The following RPS6KC1 variants were observed in gnomAD, a reference collection of about 807,000 sequenced individuals.
RPS6KC1 encodes the protein ribosomal protein S6 kinase C1.
A neutral mutation model predicts 103.8 loss-of-function variants in RPS6KC1; 54 were observed. The observed-to-expected ratio is 0.52, with a 90% confidence interval of 0.42 to 0.65. The LOEUF (loss-of-function observed/expected upper bound fraction) is 0.65, where lower values mean the gene tolerates loss of function less well. Among genes scored for constraint, RPS6KC1 ranks in the 30% least tolerant of loss-of-function variants. RPS6KC1 has a pLI of 0.00. For synonymous variants in RPS6KC1, 439 were observed against 438.7 expected (o/e 1.00, Z -0.01); for missense variants, 1,151 against 1,253.8 (o/e 0.92, Z 1.24).
At chr1:213,340,528 A>G in the RPS6KC1 span, among the ~76,000 whole-genome samples, 3 of 152,200 alleles carry the variant, frequency 2.0e-5, no homozygotes. Context: ...CTACTTGGAA[A>G]TTTCAGTGAA....
chr1:213,421,625 CCT>C, the RPS6KC1 span, among the ~76,000 whole-genome samples: 2 of 152,230 alleles, frequency 1.3e-5, no homozygotes, highest in Non-Finnish European at 2.9e-5. Flanking sequence ...CACCCCTCAG[CCT>C]CTCTTACCCC....
chr1:213,722,143 G>A, the RPS6KC1 span, among the ~76,000 whole-genome samples: 1 of 152,054 alleles, frequency 6.6e-6, no homozygotes, highest in Non-Finnish European at 1.5e-5. Context: ...CTCCATAGTG[G>A]TACCCTCTAA....
At chr1:213,289,677 TG>T in the RPS6KC1 span, among the ~76,000 whole-genome samples, 1 of 152,326 alleles carries the variant, frequency 6.6e-6, no homozygotes, top group East Asian at 1.9e-4. Context: ...CAAGGAGGCA[TG>T]TTACTTCTAT....
At chr1:213,589,938 GGTGTGTGTGTGTGTGTGTGTGTGT>G in the RPS6KC1 span, among the ~76,000 whole-genome samples, 10 of 132,732 alleles carry the variant, frequency 7.5e-5, no homozygotes, top group African/African-American at 3.2e-4. Context: ...AAAAGGTAGT[GGTGTGTGTGTGTGTGTGTGTGTGT>G]GTGTGTGTGT....
chr1:213,378,841 A>G, the RPS6KC1 span, among the ~76,000 whole-genome samples: 1 of 152,154 alleles, frequency 6.6e-6, no homozygotes, highest in Non-Finnish European at 1.5e-5. Flanking sequence ...GGCACACCTC[A>G]CAGGTCACCT....
chr1:213,625,257 C>T, the RPS6KC1 span, among the ~76,000 whole-genome samples: 4 of 152,150 alleles, frequency 2.6e-5, no homozygotes, highest in Non-Finnish European at 4.4e-5. Context: ...CCTATTCCAC[C>T]TATTCTCACA....
At chr1:213,645,430 G>C in the RPS6KC1 span, among the ~76,000 whole-genome samples, 1 of 152,116 alleles carries the variant, frequency 6.6e-6, no homozygotes, top group Admixed American at 6.6e-5. Flanking sequence ...CTAGTTACCT[G>C]TTAGGGCTGT....
chr1:213,184,294 A>G (rs375109303), intron 8 of RPS6KC1, among the ~76,000 whole-genome samples: 1 of 152,154 alleles, frequency 6.6e-6, no homozygotes, highest in East Asian at 1.9e-4. Flanking sequence ...AAAGAAAACT[A>G]TAGACCAATA....
At chr1:213,218,602 A>G (rs930353414) in intron 8 of RPS6KC1, among the ~76,000 whole-genome samples, 2 of 152,220 alleles carry the variant, frequency 1.3e-5, no homozygotes, top group South Asian at 2.1e-4. Context: ...GAGGCATCAC[A>G]CTACCTGACT....
chr1:213,532,153 C>T, the RPS6KC1 span, among the ~76,000 whole-genome samples: 1 of 152,210 alleles, frequency 6.6e-6, no homozygotes, highest in Non-Finnish European at 1.5e-5. Flanking sequence ...ACATTGTTGC[C>T]TGGCACCTCC....
At chr1:213,576,411 C>G in the RPS6KC1 span, among the ~76,000 whole-genome samples, 95 of 147,766 alleles carry the variant, frequency 6.4e-4, no homozygotes, top group Non-Finnish European at 1.2e-3. Flanking sequence ...TTTTTCGCAA[C>G]CCTGACTTGA....
rs550877334 is a variant in RPS6KC1 at position 213,066,779 on chromosome 1, A to G, written c.106-4227A>G. 6.6e-5 allele frequency among the ~76,000 whole-genome samples: 10 copies of G among 152,358 alleles called. No individual in the cohort carries two copies. In the East Asian group the frequency reaches 1.7e-3, roughly 26 times the overall value. ...ACAGAGGGTTAAGGAAGCAATTGTG[A>G]TGGATGAGAGGTCTGGCATCTCATT... On this transcript the variant is annotated intron_variant, in intron 1 of 14. Coordinates refer to ENST00000366960, the MANE Select transcript of RPS6KC1 (RefSeq NM_012424.6).
chr1:213,622,532 C>T, the RPS6KC1 span, among the ~76,000 whole-genome samples: 1 of 152,156 alleles, frequency 6.6e-6, no homozygotes, highest in Non-Finnish European at 1.5e-5. Context: ...CCCTGCCCCT[C>T]CCGCTCCAGT....
chr1:213,105,531 T>A (rs1273385382), intron 4 of RPS6KC1, among the ~76,000 whole-genome samples: 1 of 152,192 alleles, frequency 6.6e-6, no homozygotes, highest in Admixed American at 6.5e-5. Context: ...TTTCTGCCAG[T>A]GCTTCATCAC....
the RPS6KC1 span, among the ~76,000 whole-genome samples, chr1:213,712,016 C>T: frequency 2.0e-5 from 3 of 152,246 alleles, no homozygotes; most frequent in Non-Finnish European, 4.4e-5. Context: ...AGGAAGCAGT[C>T]TGTTCCTTAG....
chr1:213,524,534 G>T, the RPS6KC1 span, among the ~76,000 whole-genome samples: 1 of 152,144 alleles, frequency 6.6e-6, no homozygotes, highest in Non-Finnish European at 1.5e-5. Context: ...AAAGCCCTTG[G>T]AACCCCTTCT....
At chr1:213,732,272 A>G in the RPS6KC1 span, among the ~76,000 whole-genome samples, 1 of 152,156 alleles carries the variant, frequency 6.6e-6, no homozygotes, top group African/African-American at 2.4e-5. Context: ...CTTTATGCAG[A>G]TTGCAGTGAG....
chr1:213,381,354 C>T, the RPS6KC1 span, among the ~76,000 whole-genome samples: 1 of 152,054 alleles, frequency 6.6e-6, no homozygotes, highest in Non-Finnish European at 1.5e-5. Context: ...GCTTTCCTCT[C>T]CTCCTTAGCC....
At chr1:213,263,778 C>T (rs1380081209) in intron 14 of RPS6KC1, among the ~76,000 whole-genome samples, 1 of 152,014 alleles carries the variant, frequency 6.6e-6, no homozygotes, top group Non-Finnish European at 1.5e-5. Context: ...ATAACCATAC[C>T]ACATGGAAAT....
Sources: gnomAD v4.1 joint callset for allele counts (sites outside exome capture counted in the v4.1 genomes callset) on GRCh38, gnomAD v4.1.1 for gene constraint, MANE v1.5 for transcripts, NCBI Gene and HGNC (gene_info 2026-07-23, HGNC 2026-07-21) for gene names.